Variants in PAPPA observed in about 807,000 individuals in gnomAD.
The protein encoded by PAPPA is pappalysin 1.
PAPPA carries 60 observed loss-of-function variants against 164.0 expected under a neutral mutation model. That is an observed-to-expected ratio of 0.37 (90% CI 0.30 to 0.45). The LOEUF is 0.45. Ranked by LOEUF, PAPPA falls within the 20% of genes least tolerant of loss-of-function variation. PAPPA has a pLI of 1.00. For missense variants in PAPPA, 1,782 were observed against 2,087.3 expected (o/e 0.85, Z 2.85); for synonymous variants, 875 against 814.1 (o/e 1.07, Z -1.27).
chr9:116,331,137 T>C, intron 10 of PAPPA, 107 bp from the exon 11 acceptor site: 3 of 675,860 alleles, frequency 4.4e-6, no homozygotes, highest in Non-Finnish European at 5.1e-6. Flanking sequence ...TTTTTTCCTG[T>C]GGTGCCAAGA....
intron 9 of PAPPA, among the ~76,000 whole-genome samples, chr9:116,272,029 T>C (rs1845143400): frequency 6.6e-6 from 1 of 152,152 alleles, no homozygotes. Flanking sequence ...AGAAAGCAAA[T>C]GTCCTTTTCC....
At chr9:116,360,860 T>C (rs1846417368) in intron 17 of PAPPA, among the ~76,000 whole-genome samples, 1 of 152,110 alleles carries the variant, frequency 6.6e-6, no homozygotes, top group African/African-American at 2.4e-5. Context: ...CATTGTCTGG[T>C]TGCAAAACAG....
At chr9:116,328,887 C>T (rs1483891191) in intron 10 of PAPPA, among the ~76,000 whole-genome samples, 2 of 152,178 alleles carry the variant, frequency 1.3e-5, no homozygotes, top group Non-Finnish European at 2.9e-5. Context: ...TTGCACACCA[C>T]ATTTTGGTTA....
intron 5 of PAPPA, among the ~76,000 whole-genome samples, chr9:116,223,940 C>T (rs558573858): frequency 1.1e-4 from 16 of 152,280 alleles, no homozygotes; most frequent in East Asian, 3.9e-4. Context: ...AGCAAGATAA[C>T]GGTGAAATGC....
chr9:116,289,192 TATAGC>T (rs1845390887), intron 9 of PAPPA, among the ~76,000 whole-genome samples: 1 of 23,488 alleles, frequency 4.3e-5, no homozygotes, highest in Non-Finnish European at 8.4e-5. Flanking sequence ...GTAGCATATA[TATAGC>T]ATATATATAT....
intron 13 of PAPPA, among the ~76,000 whole-genome samples, chr9:116,335,959 A>T (rs983807967): frequency 6.6e-6 from 1 of 152,208 alleles, no homozygotes; most frequent in Admixed American, 6.5e-5. Flanking sequence ...TTTGATGATG[A>T]TGGTGCTGCT....
chr9:116,179,955 C>T (rs1158062221), intron 1 of PAPPA, among the ~76,000 whole-genome samples: 2 of 152,154 alleles, frequency 1.3e-5, no homozygotes, highest in East Asian at 3.9e-4. Context: ...GACCTAAATT[C>T]CCCCTTTCAT....
Position 116,347,094 on chromosome 9 carries a change from C to T in PAPPA, c.3849C>T (p.Val1283=), listed in dbSNP as rs754379941. 6.8e-6 allele frequency: 11 copies of T among 1,614,148 alleles called. No homozygotes were observed. Among genetic ancestry groups the T allele is most frequent in the South Asian group, 3.3e-5 (3 of 91,064 alleles). ...KWNKQVACEP[V]DCSIPDHHQV... The stretch of plus-strand genomic sequence containing the variant: ...ATAAGCAGGTGGCCTGTGAGCCAGT[C>T]GACTGCAGCATCCCAGATCACCATC... Residue 1283 remains valine, a synonymous_variant, in exon 15 of 22, where the codon GTC becomes GTT. Coordinates refer to ENST00000328252, the MANE Select transcript of PAPPA (RefSeq NM_002581.5). This position sits in a 1 kb window ranked among gnomAD's most constrained non-coding sequence, Gnocchi z 4.5.
Position 116,398,892 on chromosome 9 carries a change from C to T in PAPPA, c.*2276C>T. On this transcript the variant is annotated 3_prime_UTR_variant, in exon 22 of 22. Transcript: ENST00000328252. ...CCTATTTTGAACCCCTCTCCAGTAT[C>T]TTCACACTCTTGTCAACTCTCCAGG... 1 of 358,234 alleles carries T rather than the reference C, an allele frequency of 2.8e-6. No homozygotes were observed. The highest frequency in any genetic ancestry group is 2.1e-5 in the South Asian group (1 of 47,292). The allele number at this position is 358,234 out of a possible 1,614,324, so 22.2% of individuals were successfully genotyped here.
rs191827174 is a variant in PAPPA, at chr9:116,352,988, C to T, written c.4175+72C>T. 1.9e-4 allele frequency: 205 copies of T among 1,084,094 alleles called. 1 individual carries two copies. Among genetic ancestry groups the T allele is most frequent in the African/African-American group, 1.2e-3 (79 of 64,264 alleles). 67.2% of individuals were successfully genotyped at this position (1,084,094 alleles called of 1,614,324 possible). On this transcript the variant is annotated intron_variant, in intron 16 of 21. Transcript: ENST00000328252. ...AGTTAGGTTCAAATGCCTGACTGGA[C>T]GGAAGCACTCATTTCTTCACTGGAG...
At chr9:116,387,277 T>C (rs1211187537) in intron 21 of PAPPA, among the ~76,000 whole-genome samples, 1 of 152,212 alleles carries the variant, frequency 6.6e-6, no homozygotes, top group African/African-American at 2.4e-5. Flanking sequence ...AGAGCTATGT[T>C]TGGGATTTAG....
chr9:116,390,025 CAAAT>C (rs1471448282), intron 21 of PAPPA, among the ~76,000 whole-genome samples: 4 of 152,136 alleles, frequency 2.6e-5, no homozygotes, highest in South Asian at 2.1e-4. Flanking sequence ...TCAACACCCA[CAAAT>C]AAATACTTTT....
intron 7 of PAPPA, among the ~76,000 whole-genome samples, chr9:116,256,407 G>A (rs1844928575): frequency 1.3e-5 from 2 of 151,746 alleles, no homozygotes; most frequent in Non-Finnish European, 2.9e-5. Context: ...GAATAAATAA[G>A]CAAGGAAAAA....
chr9:116,220,949 G>GTT (rs35056605), intron 5 of PAPPA, among the ~76,000 whole-genome samples: 4 of 143,124 alleles, frequency 2.8e-5, no homozygotes, highest in Non-Finnish European at 3.0e-5. Flanking sequence ...TGCACCAAAT[G>GTT]TTTTTTTTTT....
At chr9:116,318,586 AC>A (rs1289657003) in intron 10 of PAPPA, 6 of 152,056 alleles carry the variant, frequency 3.9e-5, no homozygotes, top group Admixed American at 3.9e-4. Flanking sequence ...CACTCTTTTA[AC>A]CCCGTCAGCA....
chr9:116,360,272 G>GTCTGGGC (rs113459995), intron 17 of PAPPA, among the ~76,000 whole-genome samples: 24,136 of 152,126 alleles, frequency 0.16, 2,071 homozygotes, highest in Non-Finnish European at 0.2. Flanking sequence ...GAGAAGGAGA[G>GTCTGGGC]TCTGGGCTCT....
chr9:116,364,422 T>A (rs771891200), intron 18 of PAPPA, among the ~76,000 whole-genome samples: 3 of 152,160 alleles, frequency 2.0e-5, no homozygotes, highest in Non-Finnish European at 1.5e-5. Context: ...AAATGCTTCA[T>A]AAACAAACAG....
chr9:116,362,455 AC>A, intron 17 of PAPPA, 136 bp from the exon 18 acceptor site: 1 of 876,616 alleles, frequency 1.1e-6, no homozygotes, highest in East Asian at 2.7e-5. Flanking sequence ...TTGAGTTTCA[AC>A]CATTGTTAAG....
intron 1 of PAPPA, among the ~76,000 whole-genome samples, chr9:116,163,890 G>A (rs981961873): frequency 2.0e-5 from 3 of 152,166 alleles, no homozygotes; most frequent in Non-Finnish European, 2.9e-5. Context: ...AACAGTGGTA[G>A]AATTTCTAAG....
Sources: allele counts gnomAD v4.1 joint callset (sites outside exome capture counted in the v4.1 genomes callset), GRCh38; gene constraint gnomAD v4.1.1; non-coding constraint Gnocchi (gnomAD v3.1); transcripts MANE v1.5; gene names NCBI Gene and HGNC (gene_info 2026-07-23, HGNC 2026-07-21).